CSMD1: variants seen among roughly 807,000 people sequenced by gnomAD.
The protein encoded by CSMD1 is CUB and sushi domain-containing protein 1.
In CSMD1, 213 loss-of-function variants were observed where a neutral mutation model predicts 417.5. The ratio of observed to expected loss-of-function variants is 0.51; its 90% CI spans 0.46 to 0.57. The LOEUF (loss-of-function observed/expected upper bound fraction) is 0.57, where lower values mean the gene tolerates loss of function less well. Ranked by LOEUF, CSMD1 falls within the 20% of genes least tolerant of loss-of-function variation. CSMD1 has a pLI of 0.00. For missense variants in CSMD1, 6,923 were observed against 4,529.7 expected (o/e 1.53, Z -15.17); for synonymous variants, 2,862 against 1,736.8 (o/e 1.65, Z -16.11).
At chr8:4,486,210 T>TATATACATAC (rs1563224082) in intron 2 of CSMD1, among the ~76,000 whole-genome samples, 6 of 22,554 alleles carry the variant, frequency 2.7e-4, no homozygotes, top group Admixed American at 4.5e-4. Flanking sequence ...CATACATATA[T>TATATACATAC]ATATATATAT....
At position 3,657,875 on chromosome 8, in the gene CSMD1, C is replaced by G. The variant is rs1383256378; in HGVS notation, c.1010-41078G>C. On this transcript the variant is annotated intron_variant, in intron 7 of 69. Coordinates refer to ENST00000635120, the MANE Select transcript of CSMD1 (RefSeq NM_033225.6). ...TAAAAGAGAAACTATAAACAAAAAT[C>G]CTCTTGAAACTTACCCTGGAGCTTC... 2.6e-5 allele frequency among the ~76,000 whole-genome samples: 4 copies of G among 152,080 alleles called. 1 individual carries two copies. The highest frequency in any genetic ancestry group is 9.7e-5 in the African/African-American group (4 of 41,408).
intron 5 of CSMD1, among the ~76,000 whole-genome samples, chr8:3,844,334 C>A (rs761245007): frequency 6.6e-6 from 1 of 152,078 alleles, no homozygotes; most frequent in Non-Finnish European, 1.5e-5. Flanking sequence ...AAGTCAATGA[C>A]AATACTTCAG....
At chr8:3,361,556 G>A (rs963275616) in intron 20 of CSMD1, among the ~76,000 whole-genome samples, 2 of 148,762 alleles carry the variant, frequency 1.3e-5, no homozygotes, top group African/African-American at 5.0e-5. Context: ...GGAGGCCGAG[G>A]CAGAAGAATC....
At chr8:4,659,668 G>T (rs932498796) in intron 1 of CSMD1, among the ~76,000 whole-genome samples, 1 of 152,122 alleles carries the variant, frequency 6.6e-6, no homozygotes, top group Non-Finnish European at 1.5e-5. Flanking sequence ...ACTGTTTAAT[G>T]AGTATGGGGT....
chr8:4,564,351 G>A (rs543172032), intron 2 of CSMD1, among the ~76,000 whole-genome samples: 1 of 152,234 alleles, frequency 6.6e-6, no homozygotes, highest in East Asian at 1.9e-4. Flanking sequence ...GCTGCTATAA[G>A]AAAAATAACA....
At chr8:4,383,516 C>T (rs889874560) in intron 3 of CSMD1, among the ~76,000 whole-genome samples, 1 of 152,124 alleles carries the variant, frequency 6.6e-6, no homozygotes, top group Non-Finnish European at 1.5e-5. Context: ...CACCAACAAG[C>T]CCTGGCTATT....
intron 3 of CSMD1, among the ~76,000 whole-genome samples, chr8:4,177,706 G>C (rs1397355909): frequency 6.8e-6 from 1 of 147,512 alleles, no homozygotes; most frequent in Non-Finnish European, 1.5e-5. Flanking sequence ...GAAAAAAAGA[G>C]ACAAGAATCA....
In CSMD1 at chr8:3,164,719, A is replaced by C. The variant is rs567398740; in HGVS notation, c.5726-2442T>G. ...CGTCATTCTGAGATACTTCAAGGAC[A>C]CACCAGGTGACACAGAACGAAGAAT... is the stretch of plus-strand genomic sequence containing the variant. On this transcript the variant is annotated intron_variant, in intron 37 of 69. Coordinates refer to ENST00000635120, the MANE Select transcript of CSMD1 (RefSeq NM_033225.6). 2.6e-5 allele frequency among the ~76,000 whole-genome samples: 4 copies of C among 152,304 alleles called. No homozygotes were observed. In the South Asian group the frequency reaches 8.3e-4, roughly 32 times the overall value.
chr8:3,919,074 T>C (rs2930364), intron 5 of CSMD1, among the ~76,000 whole-genome samples: 33,319 of 151,188 alleles, frequency 0.22, 4,705 homozygotes, highest in African/African-American at 0.39. Flanking sequence ...TCCCATTCCA[T>C]AGGGTGATTT....
intron 1 of CSMD1, among the ~76,000 whole-genome samples, chr8:4,942,127 A>G (rs915570135): frequency 7.9e-5 from 12 of 152,114 alleles, no homozygotes; most frequent in African/African-American, 2.9e-4. Flanking sequence ...TTCTCTTCCA[A>G]TCAAAGTATA....
At chr8:4,688,824 G>T (rs930118792) in intron 1 of CSMD1, among the ~76,000 whole-genome samples, 2 of 152,134 alleles carry the variant, frequency 1.3e-5, no homozygotes, top group Non-Finnish European at 2.9e-5. Context: ...CATCGCAAGT[G>T]GTCTGATGTG....
At chr8:4,578,615 G>C (rs1391239292) in intron 2 of CSMD1, among the ~76,000 whole-genome samples, 1 of 151,324 alleles carries the variant, frequency 6.6e-6, no homozygotes, top group Admixed American at 6.6e-5. Flanking sequence ...AGGAGTTCAA[G>C]ATCAGCCTGG....
intron 15 of CSMD1, among the ~76,000 whole-genome samples, chr8:3,402,204 A>T (rs1391179021): frequency 1.3e-5 from 2 of 151,546 alleles, no homozygotes; most frequent in African/African-American, 4.9e-5. Flanking sequence ...TTGAAAGAGA[A>T]CTCACTCACA....
intron 3 of CSMD1, among the ~76,000 whole-genome samples, chr8:4,172,876 G>C (rs944477478): frequency 3.3e-5 from 5 of 151,986 alleles, no homozygotes; most frequent in African/African-American, 1.2e-4. Flanking sequence ...GCATAAAAGG[G>C]AGCCCAGCCC....
At chr8:4,487,077 T>G (rs1204542869) in intron 2 of CSMD1, among the ~76,000 whole-genome samples, 3 of 152,150 alleles carry the variant, frequency 2.0e-5, no homozygotes, top group South Asian at 4.1e-4. Context: ...TTGGAGAATT[T>G]TTTTTCTTTT....
At chr8:4,747,219 T>C (rs1811017780) in intron 1 of CSMD1, among the ~76,000 whole-genome samples, 1 of 152,212 alleles carries the variant, frequency 6.6e-6, no homozygotes, top group Non-Finnish European at 1.5e-5. Context: ...CTACCTTCAG[T>C]AATGAACACA....
intron 1 of CSMD1, among the ~76,000 whole-genome samples, chr8:4,688,138 T>C (rs1272419243): frequency 2.0e-5 from 3 of 152,166 alleles, no homozygotes; most frequent in African/African-American, 7.2e-5. Context: ...GGTATTTGAT[T>C]CTAAGGTTCT....
At chr8:3,928,025 G>A (rs1312421405) in intron 5 of CSMD1, among the ~76,000 whole-genome samples, 1 of 151,996 alleles carries the variant, frequency 6.6e-6, no homozygotes, top group Non-Finnish European at 1.5e-5. Context: ...TCTAATTGAT[G>A]AACAATTATA....
chr8:4,332,131 T>C (rs766062468), intron 3 of CSMD1, among the ~76,000 whole-genome samples: 1 of 152,072 alleles, frequency 6.6e-6, no homozygotes, highest in Non-Finnish European at 1.5e-5. Context: ...CCCAAAGTTG[T>C]GATGAAAATG....
Sources: allele counts gnomAD v4.1 joint callset (sites outside exome capture counted in the v4.1 genomes callset), GRCh38; gene constraint gnomAD v4.1.1; transcripts MANE v1.5; gene names NCBI Gene and HGNC (gene_info 2026-07-23, HGNC 2026-07-21).